TBC1D32: variants seen among roughly 807,000 people sequenced by gnomAD.
The protein encoded by TBC1D32 is protein broad-minded.
Under a neutral mutation model 170.3 loss-of-function variants are expected in TBC1D32, and 151 were observed. The observed-to-expected ratio is 0.89, with a 90% CI of 0.78 to 1.01. The LOEUF is 1.01. Among genes scored for constraint, TBC1D32 ranks in the 50% least tolerant of loss-of-function variants. TBC1D32 has a pLI of 0.00. For synonymous variants in TBC1D32, 498 were observed against 488.0 expected, an observed-to-expected ratio of 1.02 and a Z score of -0.27; for missense variants, 1,464 against 1,457.1, an observed-to-expected ratio of 1.00 and a Z score of -0.08.
chr6:121,154,270 CT>C (rs1409699742), intron 24 of TBC1D32, among the ~76,000 whole-genome samples: 1 of 152,086 alleles, frequency 6.6e-6, no homozygotes, highest in Non-Finnish European at 1.5e-5. Flanking sequence ...CTTGAGCTTC[CT>C]AGGTGAGAAC....
intron 17 of TBC1D32, among the ~76,000 whole-genome samples, chr6:121,250,900 T>C (rs1184384044): frequency 1.3e-5 from 2 of 152,070 alleles, no homozygotes; most frequent in Non-Finnish European, 2.9e-5. Context: ...GGATACAAAA[T>C]CAACGTGCAA....
chr6:121,309,902 C>T lies in TBC1D32; in HGVS notation c.564+877G>A, dbSNP rs928259217. On this transcript the variant is annotated intron_variant, in intron 4 of 31. Transcript: ENST00000398212. Reference sequence around the variant, plus strand: ...TACAAAATTTCACCAGGTGCAGTGGCGTGCATCTGTAGTCACAGCTACTTA... The same window carrying T: ...TACAAAATTTCACCAGGTGCAGTGGTGTGCATCTGTAGTCACAGCTACTTA... Among the ~76,000 whole-genome samples, 72 of 151,964 alleles carry T rather than the reference C, an allele frequency of 4.7e-4. 1 individual carries two copies. Among genetic ancestry groups the T allele is most frequent in the Non-Finnish European group, 9.1e-4 (62 of 67,986 alleles).
chr6:121,094,129 C>A (rs1438988627), intron 30 of TBC1D32, among the ~76,000 whole-genome samples: 1 of 151,776 alleles, frequency 6.6e-6, no homozygotes, highest in Non-Finnish European at 1.5e-5. Flanking sequence ...TGGAAGAATG[C>A]TGAGCTATGA....
chr6:121,243,553 G>A (rs1460530124), intron 17 of TBC1D32, among the ~76,000 whole-genome samples: 2 of 151,834 alleles, frequency 1.3e-5, no homozygotes, highest in African/African-American at 4.8e-5. Context: ...AATATTAGTA[G>A]AGATATTAAA....
chr6:121,206,443 A>C (rs1792287322), intron 21 of TBC1D32, among the ~76,000 whole-genome samples: 1 of 152,172 alleles, frequency 6.6e-6, no homozygotes, highest in Admixed American at 6.5e-5. Flanking sequence ...GTCACATAAT[A>C]TTTATTGAGG....
chr6:121,224,008 C>T lies in TBC1D32; in HGVS notation c.2365-656G>A, dbSNP rs568012377. The stretch of plus-strand genomic sequence containing the variant: ...TCAAAAGCATGCTGTGGTTGCCCAT[C>T]ACTAAGCATCAAATCTAAACTCCTT... On this transcript the variant is annotated intron_variant, in intron 20 of 31. Coordinates refer to ENST00000398212, the MANE Select transcript of TBC1D32 (RefSeq NM_152730.6). Among the ~76,000 whole-genome samples the T allele has an allele frequency of 6.6e-5, 10 of 152,304 alleles. No individual in the cohort carries two copies. In the Middle Eastern group the frequency reaches 0.01, roughly 155 times the overall value.
chr6:121,229,007 T>A (rs1209324154), intron 20 of TBC1D32, among the ~76,000 whole-genome samples: 5 of 152,128 alleles, frequency 3.3e-5, no homozygotes, highest in Non-Finnish European at 7.4e-5. Context: ...TCTGATAGTT[T>A]TTCCTTTACT....
chr6:121,250,715 T>C (rs994244393), intron 17 of TBC1D32, among the ~76,000 whole-genome samples: 3 of 152,086 alleles, frequency 2.0e-5, no homozygotes, highest in African/African-American at 4.8e-5. Flanking sequence ...CTACTGAACA[T>C]AGTATTGGAA....
intron 20 of TBC1D32, among the ~76,000 whole-genome samples, chr6:121,233,859 G>T (rs1391322960): frequency 6.6e-6 from 1 of 152,160 alleles, no homozygotes; most frequent in African/African-American, 2.4e-5. Flanking sequence ...TCGAGAATTT[G>T]TTTCAAGATT....
At chr6:121,271,004 C>T (rs1340254234) in intron 15 of TBC1D32, among the ~76,000 whole-genome samples, 1 of 152,088 alleles carries the variant, frequency 6.6e-6, no homozygotes, top group East Asian at 1.9e-4. Flanking sequence ...GAACCAAAGA[C>T]AAAAACCACA....
intron 5 of TBC1D32, among the ~76,000 whole-genome samples, chr6:121,305,805 G>T (rs999161535): frequency 2.0e-4 from 30 of 151,746 alleles, no homozygotes; most frequent in African/African-American, 7.0e-4. Context: ...AAAGAATTTG[G>T]ATCAAGCACA....
chr6:121,261,487 T>C (rs928147796), intron 15 of TBC1D32, among the ~76,000 whole-genome samples: 3 of 152,076 alleles, frequency 2.0e-5, no homozygotes, highest in Non-Finnish European at 4.4e-5. Context: ...GCGAACCAGA[T>C]GAATAGGGCC....
At chr6:121,109,458 A>T (rs923059864) in intron 29 of TBC1D32, among the ~76,000 whole-genome samples, 3 of 152,140 alleles carry the variant, frequency 2.0e-5, no homozygotes, top group Non-Finnish European at 4.4e-5. Context: ...ATGCTTTTAC[A>T]GAGAAAGGAA....
intron 24 of TBC1D32, among the ~76,000 whole-genome samples, chr6:121,147,213 A>G (rs1305901705): frequency 2.0e-5 from 3 of 152,098 alleles, no homozygotes; most frequent in Non-Finnish European, 4.4e-5. Context: ...TCTTTATCCA[A>G]TCCACAATTG....
intron 26 of TBC1D32, among the ~76,000 whole-genome samples, chr6:121,125,587 C>T (rs1780748938): frequency 1.3e-5 from 2 of 152,090 alleles, no homozygotes; most frequent in African/African-American, 4.8e-5. Context: ...TACTACGCTC[C>T]TCAAGATCTG....
intron 15 of TBC1D32, 121 bp downstream of exon 15, chr6:121,279,000 G>T: frequency 1.9e-6 from 2 of 1,072,288 alleles, no homozygotes; most frequent in Non-Finnish European, 2.6e-6. Flanking sequence ...TTCTACTCTG[G>T]CTGCATAGTC....
chr6:121,296,049 C>A (rs1173593844), intron 10 of TBC1D32, among the ~76,000 whole-genome samples: 1 of 152,106 alleles, frequency 6.6e-6, no homozygotes, highest in Admixed American at 6.6e-5. Context: ...GTGAACAGCA[C>A]CCCCACCTCA....
At chr6:121,127,359 C>A (rs753652841) in intron 25 of TBC1D32, among the ~76,000 whole-genome samples, 1 of 152,092 alleles carries the variant, frequency 6.6e-6, no homozygotes, top group Non-Finnish European at 1.5e-5. Flanking sequence ...CAAGCTCTAT[C>A]TCATAATATT....
chr6:121,311,493 T>C (rs908143427), intron 3 of TBC1D32, among the ~76,000 whole-genome samples: 4 of 151,774 alleles, frequency 2.6e-5, no homozygotes, highest in African/African-American at 9.7e-5. Flanking sequence ...ACTTTGGGAG[T>C]CCAAGGCGGG....
Sources: gnomAD v4.1 joint callset for allele counts (sites outside exome capture counted in the v4.1 genomes callset) on GRCh38, gnomAD v4.1.1 for gene constraint, MANE v1.5 for transcripts, NCBI Gene and HGNC (gene_info 2026-07-23, HGNC 2026-07-21) for gene names.